ENTREP2: variants seen among roughly 807,000 people sequenced by gnomAD.
ENTREP2 encodes protein ENTREP2.
chr15:29,448,094 G>C, the ENTREP2 span, among the ~76,000 whole-genome samples: 1 of 152,068 alleles, frequency 6.6e-6, no homozygotes. Flanking sequence ...AAGGGCTTAA[G>C]CAATTTCCAA....
At chr15:29,289,739 A>G in the ENTREP2 span, among the ~76,000 whole-genome samples, 7,597 of 152,072 alleles carry the variant, frequency 0.05, 638 homozygotes, top group African/African-American at 0.17. Context: ...CCAGCTACTC[A>G]GGAGGCTGAG....
At chr15:29,439,676 G>A in the ENTREP2 span, among the ~76,000 whole-genome samples, 2 of 152,270 alleles carry the variant, frequency 1.3e-5, no homozygotes, top group East Asian at 1.9e-4. Flanking sequence ...AGGCCTGGAA[G>A]TATCTCCCCC....
chr15:29,547,252 A>AT, the ENTREP2 span, among the ~76,000 whole-genome samples: 22 of 148,958 alleles, frequency 1.5e-4, no homozygotes, highest in Middle Eastern at 3.5e-3. Context: ...CACCTGGCTA[A>AT]TTTTTTTTTT....
At chr15:29,137,072 G>A in the ENTREP2 span, 4 of 1,458,046 alleles carry the variant, frequency 2.7e-6, no homozygotes, top group Non-Finnish European at 3.6e-6. Flanking sequence ...TGTACTCTGG[G>A]GGGTAATAGG....
chr15:29,524,943 C>T, the ENTREP2 span, among the ~76,000 whole-genome samples: 1 of 152,226 alleles, frequency 6.6e-6, no homozygotes, highest in Non-Finnish European at 1.5e-5. Context: ...ATTGTCCCTC[C>T]CCCTGTGCTC....
At chr15:29,137,046 G>C in the ENTREP2 span, 1 of 1,439,918 alleles carries the variant, frequency 6.9e-7, no homozygotes, top group Non-Finnish European at 9.1e-7. Flanking sequence ...CTGGGCCTCA[G>C]TGGACGGTGT....
chr15:29,466,633 C>A, the ENTREP2 span, among the ~76,000 whole-genome samples: 1 of 126,056 alleles, frequency 7.9e-6, no homozygotes, highest in African/African-American at 3.1e-5. Context: ...GAGGATGCTG[C>A]AGCCCCCAGG....
At chr15:29,316,987 ATTT>A in the ENTREP2 span, among the ~76,000 whole-genome samples, 3 of 152,328 alleles carry the variant, frequency 2.0e-5, no homozygotes, top group South Asian at 6.2e-4. Context: ...AAGGCCAGTT[ATTT>A]TTTATTTTGG....
chr15:29,538,073 G>A, the ENTREP2 span, among the ~76,000 whole-genome samples: 3 of 152,120 alleles, frequency 2.0e-5, no homozygotes, highest in African/African-American at 7.2e-5. Context: ...TATGTGGCAT[G>A]TTCATTGTCC....
chr15:29,422,897 C>T, the ENTREP2 span, among the ~76,000 whole-genome samples: 8 of 151,986 alleles, frequency 5.3e-5, no homozygotes, highest in South Asian at 4.2e-4. Flanking sequence ...CCAATGGAAC[C>T]GGTGTACCTA....
At chr15:29,513,456 A>C in the ENTREP2 span, among the ~76,000 whole-genome samples, 3 of 152,216 alleles carry the variant, frequency 2.0e-5, no homozygotes, top group East Asian at 1.9e-4. Flanking sequence ...AGAAGCAAAC[A>C]AAATGAGGAA....
At chr15:29,252,466 T>C in the ENTREP2 span, 417 of 1,546,812 alleles carry the variant, frequency 2.7e-4, no homozygotes, top group African/African-American at 5.0e-3. Context: ...GAAAGCAGCA[T>C]GAAAAAGGTT....
the ENTREP2 span, among the ~76,000 whole-genome samples, chr15:29,589,586 G>A: frequency 1.1e-4 from 16 of 152,302 alleles, no homozygotes; most frequent in Admixed American, 7.8e-4. Context: ...AAAGGAAACT[G>A]TGGCCATGAA....
chr15:29,416,547 G>A, the ENTREP2 span, among the ~76,000 whole-genome samples: 1 of 152,096 alleles, frequency 6.6e-6, no homozygotes. Context: ...AAAAACCCTA[G>A]AAGAAAACCT....
the ENTREP2 span, among the ~76,000 whole-genome samples, chr15:29,301,643 G>T: frequency 1.3e-5 from 2 of 152,338 alleles, no homozygotes; most frequent in East Asian, 3.9e-4. Context: ...CCCAATGGAA[G>T]TAGCATTTTG....
At chr15:29,543,985 A>G in the ENTREP2 span, among the ~76,000 whole-genome samples, 1 of 151,740 alleles carries the variant, frequency 6.6e-6, no homozygotes, top group Non-Finnish European at 1.5e-5. Flanking sequence ...AACACATTCT[A>G]TTGAATACAA....
chr15:29,636,788 A>G, the ENTREP2 span, among the ~76,000 whole-genome samples: 1 of 152,212 alleles, frequency 6.6e-6, no homozygotes, highest in Admixed American at 6.5e-5. Flanking sequence ...CTAATTTTGT[A>G]AGACATGAAT....
At chr15:29,665,577 G>A in the ENTREP2 span, among the ~76,000 whole-genome samples, 1 of 152,162 alleles carries the variant, frequency 6.6e-6, no homozygotes, top group Non-Finnish European at 1.5e-5. Flanking sequence ...TGTCGTTAAA[G>A]TCATATTTGG....
the ENTREP2 span, among the ~76,000 whole-genome samples, chr15:29,496,076 C>A: frequency 6.6e-6 from 1 of 151,884 alleles, no homozygotes; most frequent in African/African-American, 2.4e-5. Context: ...CATTCCATTT[C>A]TTTTATCAAT....
Sources: gnomAD v4.1 joint callset for allele counts (sites outside exome capture counted in the v4.1 genomes callset) on GRCh38, gnomAD v4.1.1 for gene constraint, MANE v1.5 for transcripts, NCBI Gene and HGNC (gene_info 2026-07-23, HGNC 2026-07-21) for gene names.